Variants in ITGA11 observed in about 807,000 individuals in gnomAD.
ITGA11 encodes integrin alpha-11.
In ITGA11, 97 loss-of-function variants were observed where a neutral mutation model predicts 141.9. The observed-to-expected ratio is 0.68, with a 90% CI of 0.58 to 0.81. The LOEUF is 0.81. ITGA11 is among the 30% of genes least tolerant of loss of function. ITGA11 has a pLI of 0.00. For missense variants in ITGA11, 1,387 were observed against 1,559.2 expected (o/e 0.89, Z 1.86); for synonymous variants, 658 against 624.6 (o/e 1.05, Z -0.80).
chr15:68,412,422 G>T (rs9920271), intron 1 of ITGA11, among the ~76,000 whole-genome samples: 5,886 of 152,190 alleles, frequency 0.039, 347 homozygotes, highest in African/African-American at 0.13. Context: ...CTGATGGCTG[G>T]GTTGTCCTGA....
chr15:68,334,894 G>A (rs534988743), intron 12 of ITGA11, among the ~76,000 whole-genome samples: 15 of 152,268 alleles, frequency 9.9e-5, no homozygotes, highest in Admixed American at 2.0e-4. Flanking sequence ...GGTGAGAGCT[G>A]AGCTGCCTGG....
chr15:68,337,681 G>A (rs963015257), intron 11 of ITGA11, among the ~76,000 whole-genome samples: 2 of 152,270 alleles, frequency 1.3e-5, no homozygotes, highest in East Asian at 3.9e-4. Flanking sequence ...GGGCCAGGGG[G>A]ATATTCATCC....
intron 7 of ITGA11, among the ~76,000 whole-genome samples, chr15:68,352,943 G>A (rs563477809): frequency 1.3e-5 from 2 of 152,350 alleles, no homozygotes; most frequent in East Asian, 3.9e-4. Context: ...GAGGGGTATA[G>A]ACATGGTCTC....
rs1241391414 is a variant in ITGA11 at position 68,325,495 on chromosome 15, C to T, written c.2212-254G>A. Among the ~76,000 whole-genome samples the T allele has an allele frequency of 6.6e-6, 1 of 152,214 alleles. No homozygotes were observed. Among genetic ancestry groups the T allele is most frequent in the Non-Finnish European group, 1.5e-5 (1 of 68,044 alleles). On this transcript the variant is annotated intron_variant, in intron 17 of 29. Transcript: ENST00000315757. This position sits in a 1 kb window ranked among gnomAD's most constrained non-coding sequence, Gnocchi z 5.5. ...CTGGCTGTTTTGCCAAGCTCCTGCA[C>T]ATCCTTCGGGGCCAGACTCCCATTG...
At chr15:68,424,133 G>A (rs1343388625) in intron 1 of ITGA11, among the ~76,000 whole-genome samples, 1 of 152,216 alleles carries the variant, frequency 6.6e-6, no homozygotes, top group Non-Finnish European at 1.5e-5. Flanking sequence ...CTTATGCCTT[G>A]TAGGGGACAT....
intron 21 of ITGA11, 30 bp downstream of exon 21, chr15:68,317,235 A>T: frequency 2.1e-5 from 27 of 1,279,090 alleles, no homozygotes; most frequent in Non-Finnish European, 2.9e-5. Flanking sequence ...GCCCACCCTG[A>T]CCCTCCCCCA....
intron 26 of ITGA11, among the ~76,000 whole-genome samples, chr15:68,309,787 C>T (rs1319855202): frequency 6.6e-6 from 1 of 152,040 alleles, no homozygotes; most frequent in Non-Finnish European, 1.5e-5. Flanking sequence ...GATGAGGTTT[C>T]ACTATGCTGG....
chr15:68,425,936 C>T (rs1257252539), intron 1 of ITGA11, among the ~76,000 whole-genome samples: 1 of 152,196 alleles, frequency 6.6e-6, no homozygotes. Context: ...GCCTAATTCA[C>T]CCCACATGCC....
intron 1 of ITGA11, among the ~76,000 whole-genome samples, chr15:68,419,796 C>T (rs1896974365): frequency 6.6e-6 from 1 of 152,220 alleles, no homozygotes; most frequent in Non-Finnish European, 1.5e-5. Flanking sequence ...CACTTGACCT[C>T]TCAGAATTGC....
rs1254358111 is a variant in ITGA11, at chr15:68,300,146, G to A, written c.*2913C>T. 6.6e-6 allele frequency: 1 copy of A among 152,220 alleles called. No individual in the cohort carries two copies. The highest frequency in any genetic ancestry group is 2.4e-5 in the African/African-American group (1 of 41,448). The allele number at this position is 152,220 out of a possible 1,614,324, so 9.4% of individuals were successfully genotyped here. A position where few individuals can be genotyped will look rare whatever the true frequency, so the allele number is the denominator to read the frequency against. The stretch of plus-strand genomic sequence containing the variant: ...GATGGCTGTTCTACAAGTTTAATGT[G>A]CTTAGAATTACCTCACAGAGCTTGG... On this transcript the variant is annotated 3_prime_UTR_variant, in exon 30 of 30. Transcript: ENST00000315757.
chr15:68,379,608 C>A (rs1895810620), intron 2 of ITGA11, among the ~76,000 whole-genome samples: 1 of 152,232 alleles, frequency 6.6e-6, no homozygotes, highest in Admixed American at 6.5e-5. Flanking sequence ...GGTGGACAAC[C>A]AGCCTTGGTG....
chr15:68,315,715 G>A lies in ITGA11; in HGVS notation c.2728C>T (p.Leu910Phe). The change falls in exon 22 of 30, where the codon CTT becomes TTT. Residue 910 changes from leucine (L) to phenylalanine (F), a missense_variant. By Grantham distance (22) the Leu-to-Phe change is conservative. Coordinates refer to ENST00000315757, the MANE Select transcript of ITGA11 (RefSeq NM_001004439.2). The stretch of plus-strand genomic sequence containing the variant: ...ATGGATTTGCTGAACTCAAAATCAA[G>A]ACGGAAAGCCACCTGCAAGGAAGCA... Reference protein sequence around the residue: ...FRAKAKVAFRLDFEFSKSIFL... With the variant: ...FRAKAKVAFRFDFEFSKSIFL... The A allele has an allele frequency of 6.2e-7, 1 of 1,612,192 alleles. No homozygotes were observed.
intron 4 of ITGA11, among the ~76,000 whole-genome samples, chr15:68,362,481 G>A (rs948499643): frequency 6.6e-6 from 1 of 152,184 alleles, no homozygotes; most frequent in Non-Finnish European, 1.5e-5. Context: ...TGAAGCTGCT[G>A]TACATAATGT....
At chr15:68,405,507 G>A (rs1046241934) in intron 1 of ITGA11, among the ~76,000 whole-genome samples, 1 of 152,110 alleles carries the variant, frequency 6.6e-6, no homozygotes, top group East Asian at 1.9e-4. Context: ...GCCCTGGAGT[G>A]GGGGTTGGGG....
chr15:68,403,494 C>T lies in ITGA11; in HGVS notation c.53-465G>A, dbSNP rs548926500. On this transcript the variant is annotated intron_variant, in intron 1 of 29. Coordinates refer to ENST00000315757, the MANE Select transcript of ITGA11 (RefSeq NM_001004439.2). ...CTTGCTCCCACTCTTGCATGTGACA[C>T]GCTGGCTCGCCTTCACCTTCCACCA... Among the ~76,000 whole-genome samples, 20 of 152,290 alleles carry T rather than the reference C, an allele frequency of 1.3e-4. No individual in the cohort carries two copies. In the South Asian group the frequency reaches 2.3e-3, roughly 17 times the overall value.
Position 68,328,008 on chromosome 15 carries a change from T to G in ITGA11, c.2068+88A>C. The G allele has an allele frequency of 7.4e-7, 1 of 1,347,688 alleles. No individual in the cohort carries two copies. Among genetic ancestry groups the G allele is most frequent in the Non-Finnish European group, 1.0e-6 (1 of 995,714 alleles). The allele number at this position is 1,347,688 out of a possible 1,614,324, so 83.5% of individuals were successfully genotyped here. ...GGGCGACCTGGCACTTAGCACCCAT[T>G]TTGGGAAAAGCCCAGGCTTTGAAAT... On this transcript the variant is annotated intron_variant, in intron 16 of 29. Transcript: ENST00000315757. The surrounding 1 kb of genome is among the most constrained non-coding windows in gnomAD (Gnocchi z 4.8).
Position 68,369,065 on chromosome 15 carries a change from T to A in ITGA11, c.265+119A>T, listed in dbSNP as rs577675251. 4.1e-6 allele frequency: 3 copies of A among 731,050 alleles called. No homozygotes were observed. In the East Asian group the frequency reaches 7.7e-5, roughly 19 times the overall value. The allele number at this position is 731,050 out of a possible 1,614,324, so 45.3% of individuals were successfully genotyped here. On this transcript the variant is annotated intron_variant, in intron 3 of 29. Coordinates refer to ENST00000315757, the MANE Select transcript of ITGA11 (RefSeq NM_001004439.2). ...AGTGGGGGCAGTGATATCAGCTGGG[T>A]CATCTCATGGAGTAGCAGGAAGGAG...
chr15:68,378,202 T>A (rs1895774997), intron 2 of ITGA11, among the ~76,000 whole-genome samples: 1 of 152,214 alleles, frequency 6.6e-6, no homozygotes, highest in African/African-American at 2.4e-5. Flanking sequence ...CCCTCAGATG[T>A]TAGAGGTGGG....
intron 5 of ITGA11, among the ~76,000 whole-genome samples, chr15:68,359,276 G>C (rs1204934920): frequency 1.3e-5 from 2 of 152,150 alleles, no homozygotes; most frequent in East Asian, 3.8e-4. Flanking sequence ...ATATGGTACT[G>C]ATATCATCAG....
Sources: gnomAD v4.1 joint callset for allele counts (sites outside exome capture counted in the v4.1 genomes callset) on GRCh38, gnomAD v4.1.1 for gene constraint, Gnocchi (gnomAD v3.1) non-coding constraint, MANE v1.5 for transcripts, NCBI Gene and HGNC (gene_info 2026-07-23, HGNC 2026-07-21) for gene names.